Variants in PRPF31 observed in about 807,000 individuals in gnomAD.
The protein encoded by PRPF31 is pre-mRNA processing factor 31, also known as U4/U6 small nuclear ribonucleoprotein Prp31.
In PRPF31, 12 loss-of-function variants were observed where a neutral mutation model predicts 60.4. The observed-to-expected ratio is 0.20, with a 90% confidence interval of 0.13 to 0.32. The LOEUF (loss-of-function observed/expected upper bound fraction) is 0.32, where lower values mean the gene tolerates loss of function less well. Among genes scored for constraint, PRPF31 ranks in the 10% least tolerant of loss-of-function variants. The pLI, the probability that PRPF31 is intolerant of heterozygous loss-of-function variation, is 1.00. For missense variants in PRPF31, 431 were observed against 687.1 expected (o/e 0.63, Z 4.17); for synonymous variants, 287 against 287.9 (o/e 1.00, Z 0.03).
In PRPF31 at chr19:54,123,769, A is replaced by C; in HGVS notation, c.548A>C (p.Glu183Ala). The C allele has an allele frequency of 6.2e-7, 1 of 1,611,444 alleles. No homozygotes were observed. Among genetic ancestry groups the C allele is most frequent in the Non-Finnish European group, 8.5e-7 (1 of 1,179,634 alleles). ...TGCAGGCAGCAGCTGTCGGAGGAGG[A>C]GCTGGAGCGGCTGGAGGAGGCCTGC... ...TTQGQQLSEEELERLEEACDM... is the reference protein window; with the variant it reads ...TTQGQQLSEEALERLEEACDM... The change falls in exon 7 of 14, where the codon GAG (glutamate) becomes GCG (alanine). Residue 183 changes from glutamate (E) to alanine (A), a missense_variant. Glu to Ala is a moderately radical substitution (Grantham distance 107). Transcript: ENST00000321030.
intron 7 of PRPF31, 148 bp downstream of exon 7, chr19:54,124,066 G>A: frequency 2.0e-6 from 3 of 1,464,838 alleles, no homozygotes; most frequent in Non-Finnish European, 2.7e-6. Flanking sequence ...AGCCAGCCTG[G>A]CACACAGCAA....
intron 1 of PRPF31, among the ~76,000 whole-genome samples, chr19:54,118,009 A>C (rs1354528345): frequency 6.6e-6 from 1 of 151,476 alleles, no homozygotes; most frequent in Non-Finnish European, 1.5e-5. Context: ...GAAAGTTTGC[A>C]AATGCATTTG....
chr19:54,123,670 A>G, intron 6 of PRPF31, 79 bp from the exon 7 acceptor site: 1 of 1,594,642 alleles, frequency 6.3e-7, no homozygotes, highest in Non-Finnish European at 8.5e-7. Flanking sequence ...GCACACACAC[A>G]CACAGAACCG....
chr19:54,128,261 C>T, intron 10 of PRPF31, 44 bp from the exon 11 acceptor site: 1 of 1,555,700 alleles, frequency 6.4e-7, no homozygotes, highest in Non-Finnish European at 8.7e-7. Context: ...CCGGCGTCCT[C>T]CTCCCAGCCG....
At chr19:54,116,384 T>C (rs1296890353) in intron 1 of PRPF31, among the ~76,000 whole-genome samples, 1 of 151,960 alleles carries the variant, frequency 6.6e-6, no homozygotes, top group African/African-American at 2.4e-5. Flanking sequence ...TTTTGTATTT[T>C]TAGTAGAGAC....
At position 54,119,850 on chromosome 19, in the gene PRPF31, T is replaced by TG. The variant is rs587615283; in HGVS notation, c.238+1221dup. The TG allele has an allele frequency of 1.4e-4, 22 of 152,322 alleles. No homozygotes were observed. In the East Asian group the frequency reaches 4.1e-3, roughly 28 times the overall value. 9.4% of individuals were successfully genotyped at this position (152,322 alleles called of 1,614,324 possible). ...ATGACAGGAAGCCATAGGAGGTTTC[T>TG]GGGGAAAGAAGTGTAGTGAGAGGGC... On this transcript the variant is annotated intron_variant, in intron 3 of 13. Transcript: ENST00000321030.
chr19:54,122,755 A>G, intron 5 of PRPF31, 161 bp downstream of exon 5: 1 of 714,458 alleles, frequency 1.4e-6, no homozygotes, highest in East Asian at 2.7e-5. Context: ...CGGAGCCTGG[A>G]CAGGACTTTC....
At chr19:54,124,404 GC>G in intron 7 of PRPF31, 94 bp from the exon 8 acceptor site, 2 of 1,139,054 alleles carry the variant, frequency 1.8e-6, no homozygotes, top group Non-Finnish European at 2.6e-6. Context: ...ATGTAAAGGT[GC>G]CCAGCACACG....
intron 9 of PRPF31, among the ~76,000 whole-genome samples, chr19:54,127,684 C>T (rs2073952499): frequency 6.6e-6 from 1 of 152,304 alleles, no homozygotes; most frequent in South Asian, 2.1e-4. Flanking sequence ...GGAGAGGAGA[C>T]GTTTTCTGTC....
intron 13 of PRPF31, among the ~76,000 whole-genome samples, chr19:54,129,957 G>A (rs587640209): frequency 5.9e-5 from 9 of 152,306 alleles, no homozygotes; most frequent in South Asian, 2.1e-4. Flanking sequence ...CCGGCTCTGG[G>A]GATGAAGCAA....
chr19:54,119,287 C>G (rs190494490), intron 3 of PRPF31, among the ~76,000 whole-genome samples: 4 of 151,188 alleles, frequency 2.6e-5, no homozygotes, highest in Non-Finnish European at 4.4e-5. Flanking sequence ...GAGGCTGAGG[C>G]GGGAGAATGG....
Position 54,118,391 on chromosome 19 carries a change from A to C in PRPF31, c.113A>C (p.Glu38Ala), listed in dbSNP as rs746256474. 1.1e-4 allele frequency: 179 copies of C among 1,614,000 alleles called. No homozygotes were observed. Among genetic ancestry groups the C allele is most frequent in the Non-Finnish European group, 1.5e-4 (178 of 1,180,018 alleles). ...EEPAIEDVQEETQLDLSGDSV... is the reference protein window; with the variant it reads ...EEPAIEDVQEATQLDLSGDSV... ...CCAGCGATCGAGGATGTGCAGGAGG[A>C]GACACAGCTGGATCTTTCCGGGGAT... Residue 38 changes from glutamate (E) to alanine (A), a missense_variant, in exon 2 of 14, where the codon GAG (glutamate) becomes GCG (alanine). Glu to Ala is a moderately radical substitution (Grantham distance 107). Coordinates refer to ENST00000321030, the MANE Select transcript of PRPF31 (RefSeq NM_015629.4).
At chr19:54,130,438 A>G (rs2074024257) in intron 13 of PRPF31, among the ~76,000 whole-genome samples, 1 of 152,170 alleles carries the variant, frequency 6.6e-6, no homozygotes, top group African/African-American at 2.4e-5. Context: ...ATCCTGGCTA[A>G]CACGGTGAAA....
At chr19:54,126,916 G>A (rs587673780) in intron 9 of PRPF31, among the ~76,000 whole-genome samples, 79 of 152,306 alleles carry the variant, frequency 5.2e-4, no homozygotes, top group South Asian at 1.2e-3. Context: ...GGGTCACAAG[G>A]TCAGGAGTTT....
rs2073850918 is a variant in PRPF31, at chr19:54,123,743, C to T, written c.528-6C>T. The T allele has an allele frequency of 1.2e-6, 2 of 1,607,802 alleles. No individual in the cohort carries two copies. Among genetic ancestry groups the T allele is most frequent in the Non-Finnish European group, 1.7e-6 (2 of 1,178,442 alleles). Reference sequence around the variant, plus strand: ...CCCAGGAGGCTGGGCCCACCCGCCCCTGCAGGCAGCAGCTGTCGGAGGAGG... The same window carrying T: ...CCCAGGAGGCTGGGCCCACCCGCCCTTGCAGGCAGCAGCTGTCGGAGGAGG... On this transcript the variant is annotated splice_polypyrimidine_tract_variant and splice_region_variant and intron_variant, in intron 6 of 13. Coordinates refer to ENST00000321030, the MANE Select transcript of PRPF31 (RefSeq NM_015629.4).
Position 54,129,315 on chromosome 19 carries a change from C to T in PRPF31, c.1319C>T (p.Thr440Ile). ...AGCGTCGTATATGGCGGGAAGTCCA[C>T]CATCCGCGACCGCTCCTCGGGCACG... ...KQSVVYGGKS[T>I]IRDRSSGTAS... is the part of the protein sequence containing the mutation. Residue 440 changes from threonine (T) to isoleucine (I), a missense_variant, in exon 13 of 14, where the codon ACC (threonine) becomes ATC (isoleucine). Transcript: ENST00000321030. 1 of 1,607,272 alleles carries T rather than the reference C, an allele frequency of 6.2e-7. No individual in the cohort carries two copies. Among genetic ancestry groups the T allele is most frequent in the Non-Finnish European group, 8.5e-7 (1 of 1,177,562 alleles).
chr19:54,119,314 G>A (rs587601668), intron 3 of PRPF31, among the ~76,000 whole-genome samples: 3 of 151,724 alleles, frequency 2.0e-5, no homozygotes, highest in East Asian at 2.0e-4. Flanking sequence ...CCTGGGAGGC[G>A]GAGCTTGCAG....
At chr19:54,121,811 A>G in intron 3 of PRPF31, 49 bp from the exon 4 acceptor site, 4 of 1,544,876 alleles carry the variant, frequency 2.6e-6, no homozygotes, top group Non-Finnish European at 3.5e-6. Context: ...GGGACCCGAG[A>G]GGGGGTAGGG....
rs1206673313 is a variant in PRPF31 at position 54,118,710 on chromosome 19, G to A, written c.238+77G>A. ...CCCCCTGGCTCCCTGGCTGCTTGTG[G>A]CTGGGTATATCTCCTTCTCAGCCTT... On this transcript the variant is annotated intron_variant, in intron 3 of 13. Transcript: ENST00000321030. 2.8e-6 allele frequency: 4 copies of A among 1,453,890 alleles called. No individual in the cohort carries two copies. In the East Asian group the frequency reaches 9.1e-5, roughly 33 times the overall value. The allele number at this position is 1,453,890 out of a possible 1,614,324, so 90.1% of individuals were successfully genotyped here. A position where few individuals can be genotyped will look rare whatever the true frequency, so the allele number is the denominator to read the frequency against.
Sources: allele counts gnomAD v4.1 joint callset (sites outside exome capture counted in the v4.1 genomes callset), GRCh38; gene constraint gnomAD v4.1.1; transcripts MANE v1.5; gene names NCBI Gene and HGNC (gene_info 2026-07-23, HGNC 2026-07-21).